The following PNPLA6 variants were observed in gnomAD, a reference collection of about 807,000 sequenced individuals.
PNPLA6 encodes patatin-like phospholipase domain-containing protein 6.
In PNPLA6, 105 loss-of-function variants were observed where a neutral mutation model predicts 153.7. That is an observed-to-expected ratio of 0.68 (90% CI 0.58 to 0.80). PNPLA6 has a LOEUF of 0.80. Among genes scored for constraint, PNPLA6 ranks in the 30% least tolerant of loss-of-function variants. The pLI is 0.00. For missense variants in PNPLA6, 1,423 were observed against 1,919.3 expected (o/e 0.74, Z 4.83); for synonymous variants, 825 against 822.2 (o/e 1.00, Z -0.06).
chr19:7,557,229 CGACCCCAAG>C lies in PNPLA6; in HGVS notation c.3346_3354del (p.Pro1116_Asp1118del). On this transcript the variant is annotated inframe_deletion, in exon 27 of 32. Coordinates refer to ENST00000600737, the MANE Select transcript of PNPLA6 (RefSeq NM_001166114.2). ...TGTCGGGCTACCTGCCCCCGCTGTGCGACCCCAAGGACGGGCACCTACTCATGGATGGCG... is the reference window on the plus strand; with the variant it reads ...TGTCGGGCTACCTGCCCCCGCTGTGCGACGGGCACCTACTCATGGATGGCG... The C allele has an allele frequency of 6.2e-7, 1 of 1,613,452 alleles. No individual in the cohort carries two copies. Among genetic ancestry groups the C allele is most frequent in the Non-Finnish European group, 8.5e-7 (1 of 1,179,838 alleles).
At position 7,540,747 on chromosome 19, in the gene PNPLA6, G is replaced by A; in HGVS notation, c.795+37G>A. On this transcript the variant is annotated intron_variant, in intron 6 of 31. Transcript: ENST00000600737. The surrounding 1 kb of genome is among the most constrained non-coding windows in gnomAD (Gnocchi z 6.8). The stretch of plus-strand genomic sequence containing the variant: ...GTTTCTGAGGCAGGGGGGCTGGGGT[G>A]CAAGGTCCCACCCAAGGGACTAGGT... The A allele has an allele frequency of 6.4e-7, 1 of 1,565,442 alleles. No individual in the cohort carries two copies. Among genetic ancestry groups the A allele is most frequent in the South Asian group, 1.1e-5 (1 of 90,118 alleles).
Position 7,560,561 on chromosome 19 carries a change from C to T in PNPLA6, c.3700-87C>T. Reference sequence around the variant, plus strand: ...AATGCAACTCCCCCAGAGAATCAGGCTTTTGAGGGGCCAGAGAATGGGCAG... The same window carrying T: ...AATGCAACTCCCCCAGAGAATCAGGTTTTTGAGGGGCCAGAGAATGGGCAG... On this transcript the variant is annotated intron_variant, in intron 28 of 31. Transcript: ENST00000600737. The T allele has an allele frequency of 1.5e-5, 14 of 930,560 alleles. No individual in the cohort carries two copies. The South Asian group carries it at 1.8e-4, about 12-fold the overall frequency. The allele number at this position is 930,560 out of a possible 1,614,324, so 57.6% of individuals were successfully genotyped here.
At position 7,550,192 on chromosome 19, in the gene PNPLA6, A is replaced by G. The variant is rs532564855; in HGVS notation, c.1814+80A>G. 1.5e-4 allele frequency: 234 copies of G among 1,608,818 alleles called. 1 individual carries two copies. In the African/African-American group the frequency reaches 2.7e-3, roughly 19 times the overall value. On this transcript the variant is annotated intron_variant, in intron 14 of 31. Coordinates refer to ENST00000600737, the MANE Select transcript of PNPLA6 (RefSeq NM_001166114.2). ...GGAGTGGCCAGAACCCCATCCCTCAACCTCACTCCTGGAAGAGCAGAAGGG... is the reference window on the plus strand; with the variant it reads ...GGAGTGGCCAGAACCCCATCCCTCAGCCTCACTCCTGGAAGAGCAGAAGGG...
In PNPLA6 at chr19:7,540,835, G is replaced by T. The variant is rs969612307; in HGVS notation, c.796-88G>T. The T allele has an allele frequency of 3.8e-6, 6 of 1,590,644 alleles. No individual in the cohort carries two copies. The highest frequency in any genetic ancestry group is 5.2e-6 in the Non-Finnish European group (6 of 1,159,810). On this transcript the variant is annotated intron_variant, in intron 6 of 31. Coordinates refer to ENST00000600737, the MANE Select transcript of PNPLA6 (RefSeq NM_001166114.2). This position sits in a 1 kb window ranked among gnomAD's most constrained non-coding sequence, Gnocchi z 6.8. The stretch of plus-strand genomic sequence containing the variant: ...CGTTATGCTGCCGATGGCCCCTCAC[G>T]GGACTGGCGCCAGGAAGGATTAGGG...
At chr19:7,557,633 A>AATCT (rs762942113) in intron 27 of PNPLA6, 41 of 358,700 alleles carry the variant, frequency 1.1e-4, no homozygotes, top group Non-Finnish European at 2.0e-4. Context: ...AAAATACAAA[A>AATCT]AATTAACCAG....
rs1302669528 is a variant in PNPLA6, at chr19:7,555,647, GC to G, written c.2978del (p.Ala993GlyfsTer41). The G allele has an allele frequency of 1.9e-6, 3 of 1,612,976 alleles. No homozygotes were observed. Among genetic ancestry groups the G allele is most frequent in the Non-Finnish European group, 2.5e-6 (3 of 1,179,856 alleles). ...HIGVLKALEE[A>X]GVPVDLVGGT... Reference sequence around the variant, plus strand: ...CGGAGTACTAAAGGCATTAGAGGAGGCGGGGGTCCCCGTGGACCTGGTGGGC... The same window carrying G: ...CGGAGTACTAAAGGCATTAGAGGAGGGGGGGTCCCCGTGGACCTGGTGGGC... On this transcript the variant is annotated frameshift_variant, in exon 24 of 32. Coordinates refer to ENST00000600737, the MANE Select transcript of PNPLA6 (RefSeq NM_001166114.2). LOFTEE classifies it high-confidence loss of function. The surrounding 1 kb of genome is among the most constrained non-coding windows in gnomAD (Gnocchi z 6.3).
intron 18 of PNPLA6, among the ~76,000 whole-genome samples, chr19:7,552,565 G>A (rs2023697505): frequency 6.6e-6 from 1 of 152,058 alleles, no homozygotes; most frequent in South Asian, 2.1e-4. Flanking sequence ...AGACCAGCCT[G>A]GCCAACGTGG....
Position 7,561,602 on chromosome 19 carries a change from ACTGGG to A in PNPLA6, c.*46_*50del. 1 of 1,398,024 alleles carries A rather than the reference ACTGGG, an allele frequency of 7.2e-7. No individual in the cohort carries two copies. The highest frequency in any genetic ancestry group is 9.8e-7 in the Non-Finnish European group (1 of 1,022,578). The allele number at this position is 1,398,024 out of a possible 1,614,324, so 86.6% of individuals were successfully genotyped here. ...GTCACCCCCTCCCTCCCACCCCTGG[ACTGGG>A]CTGGGGGTGGCCCCGTGGGGGTAGC... On this transcript the variant is annotated 3_prime_UTR_variant, in exon 32 of 32. Coordinates refer to ENST00000600737, the MANE Select transcript of PNPLA6 (RefSeq NM_001166114.2).
At chr19:7,535,591 C>A (rs2022814781), upstream of PNPLA6, 1 of 1,602,428 alleles carries the variant, frequency 6.2e-7, no homozygotes, top group Non-Finnish European at 8.5e-7. The surrounding 1 kb of genome is among the most constrained non-coding windows in gnomAD (Gnocchi z 5.0). Context: ...AGGGGTGGGG[C>A]GGAGACCGGG....
Position 7,557,330 on chromosome 19 carries a change from CCA to C in PNPLA6, c.3397+54_3397+55del, listed in dbSNP as rs754424593. On this transcript the variant is annotated intron_variant, in intron 27 of 31. Coordinates refer to ENST00000600737, the MANE Select transcript of PNPLA6 (RefSeq NM_001166114.2). ...CCCGCACACGCAAGCACCTCCCGCACCACACACACGCACACGCGTGGGCACAC... is the reference window on the plus strand; with the variant it reads ...CCCGCACACGCAAGCACCTCCCGCACCACACACGCACACGCGTGGGCACAC... The C allele has an allele frequency of 8.7e-6, 10 of 1,155,764 alleles. No individual in the cohort carries two copies. The African/African-American group carries it at 1.1e-4, about 12-fold the overall frequency. 71.6% of individuals were successfully genotyped at this position (1,155,764 alleles called of 1,614,324 possible). A position where few individuals can be genotyped will look rare whatever the true frequency, so the allele number is the denominator to read the frequency against.
At chr19:7,548,740 CAT>C (rs201180836) in intron 13 of PNPLA6, among the ~76,000 whole-genome samples, 8 of 135,250 alleles carry the variant, frequency 5.9e-5, no homozygotes, top group Admixed American at 3.7e-4. Context: ...TATATACACA[CAT>C]ATATATATAG....
Position 7,561,524 on chromosome 19 carries a change from C to G in PNPLA6, c.4060C>G (p.Leu1354Val), listed in dbSNP as rs150392453. ...GTCGATTCTCCGGCAACGACGCTGT[C>G]TGCCCCAGGAGCCGCCCGGCTCAGC... Reference protein sequence around the residue: ...EKSILRQRRCLPQEPPGSATD... With the variant: ...EKSILRQRRCVPQEPPGSATD... Residue 1354 changes from leucine (L) to valine (V), a missense_variant, in exon 32 of 32, where the codon CTG (leucine) becomes GTG (valine). Coordinates refer to ENST00000600737, the MANE Select transcript of PNPLA6 (RefSeq NM_001166114.2). 15 of 1,608,852 alleles carry G rather than the reference C, an allele frequency of 9.3e-6. No individual in the cohort carries two copies. The highest frequency in any genetic ancestry group is 1.8e-4 in the Middle Eastern group (1 of 5,542).
At chr19:7,556,395 A>T in intron 24 of PNPLA6, 58 bp from the exon 25 acceptor site, 1 of 1,047,082 alleles carries the variant, frequency 9.6e-7, no homozygotes, top group Non-Finnish European at 1.5e-6. Flanking sequence ...CTATTGATGA[A>T]CCTTATCTGT....
Position 7,554,568 on chromosome 19 carries a change from C to T in PNPLA6, c.2479C>T (p.Arg827Trp), listed in dbSNP as rs2023787689. ...ASALDSIQEFRLSGWLAQQED... is the reference protein window; with the variant it reads ...ASALDSIQEFWLSGWLAQQED... ...TTCCCACCCTAGCATCCAAGAGTTC[C>T]GGCTGTCAGGGTGGCTGGCCCAGCA... Residue 827 changes from arginine (R) to tryptophan (W), a missense_variant, in exon 21 of 32, where the codon CGG becomes TGG. Around this residue, in one of 10 missense-constraint regions of PNPLA6, gnomAD observed 643 missense variants for 835.2 expected, o/e 0.77. Transcript: ENST00000600737. 6.2e-7 allele frequency: 1 copy of T among 1,614,098 alleles called. No homozygotes were observed.
chr19:7,561,146 A>C, intron 30 of PNPLA6, 36 bp downstream of exon 30: 25 of 1,592,426 alleles, frequency 1.6e-5, no homozygotes, highest in Non-Finnish European at 2.1e-5. Flanking sequence ...GAGGGAGGGG[A>C]GTGGCTGGAG....
intron 3 of PNPLA6, among the ~76,000 whole-genome samples, chr19:7,538,170 A>T (rs1011767171): frequency 6.6e-6 from 1 of 152,100 alleles, no homozygotes; most frequent in Non-Finnish European, 1.5e-5. Context: ...GAATAATCAT[A>T]ACAATTATAA....
intron 20 of PNPLA6, 46 bp downstream of exon 20, chr19:7,554,318 A>G (rs769250470): frequency 6.5e-7 from 1 of 1,538,470 alleles, no homozygotes; most frequent in South Asian, 1.1e-5. Context: ...GTGGGCCTGG[A>G]GCCTCAAATT....
chr19:7,547,054 G>A (rs993576897), intron 13 of PNPLA6, among the ~76,000 whole-genome samples: 2 of 151,878 alleles, frequency 1.3e-5, no homozygotes, highest in Non-Finnish European at 2.9e-5. Flanking sequence ...ACAGGCACAC[G>A]CTGCCACGCC....
rs1262582049 is a variant in PNPLA6 at position 7,542,450 on chromosome 19, C to T, written c.1253-111C>T. The T allele has an allele frequency of 1.6e-5, 13 of 831,534 alleles. 1 individual carries two copies. The highest frequency in any genetic ancestry group is 4.5e-4 in the Middle Eastern group (2 of 4,490). The allele number at this position is 831,534 out of a possible 1,614,324, so 51.5% of individuals were successfully genotyped here. A position where few individuals can be genotyped will look rare whatever the true frequency, so the allele number is the denominator to read the frequency against. ...CCTATGCTCAAGTGATCCTCCAGCC[C>T]CAGCCTCCCAAATAGCTGGAACTAC... is the stretch of plus-strand genomic sequence containing the variant. On this transcript the variant is annotated intron_variant, in intron 10 of 31. Transcript: ENST00000600737.
Sources: gnomAD v4.1 joint callset for allele counts (sites outside exome capture counted in the v4.1 genomes callset) on GRCh38, gnomAD v4.1.1 for gene constraint, gnomAD v4.1.1 regional missense constraint, Gnocchi (gnomAD v3.1) non-coding constraint, MANE v1.5 for transcripts, NCBI Gene and HGNC (gene_info 2026-07-23, HGNC 2026-07-21) for gene names.